The following FAM117A variants were observed in gnomAD, a reference collection of about 807,000 sequenced individuals.
The protein encoded by FAM117A is family with sequence similarity 117 member A.
Under a neutral mutation model 44.1 loss-of-function variants are expected in FAM117A, and 21 were observed. The ratio of observed to expected loss-of-function variants is 0.48; its 90% CI spans 0.34 to 0.69. FAM117A has a LOEUF of 0.69. Among genes scored for constraint, FAM117A ranks in the 30% least tolerant of loss-of-function variants. The pLI is 0.01. For missense variants in FAM117A, 498 were observed against 589.9 expected, an observed-to-expected ratio of 0.84 and a Z score of 1.61; for synonymous variants, 220 against 238.3, an observed-to-expected ratio of 0.92 and a Z score of 0.71.
chr17:49,769,455 T>C (rs2073754714), intron 1 of FAM117A, among the ~76,000 whole-genome samples: 1 of 151,994 alleles, frequency 6.6e-6, no homozygotes. Flanking sequence ...TCCTAACGCT[T>C]TGGGAGGCCG....
In FAM117A at chr17:49,763,941, G is replaced by A. The variant is rs542973117; in HGVS notation, c.147C>T (p.Pro49=). ...GCTGGTGCGGCTGCTGCAGCTGGAAGGGGATCGTGGCCCTGAGCGGCTGCA... is the reference window on the plus strand; with the variant it reads ...GCTGGTGCGGCTGCTGCAGCTGGAAAGGGATCGTGGCCCTGAGCGGCTGCA... The part of the protein sequence containing the change: ...AGLQPLRATI[P]FQLQQPHQRR... Residue 49 remains proline, a synonymous_variant, in exon 1 of 8, where the codon CCC becomes CCT. Coordinates refer to ENST00000240364, the MANE Select transcript of FAM117A (RefSeq NM_030802.4). 483 of 1,237,160 alleles carry A rather than the reference G, an allele frequency of 3.9e-4. 6 individuals carry two copies. In the East Asian group the frequency reaches 0.011, roughly 27 times the overall value. 76.6% of individuals were successfully genotyped at this position (1,237,160 alleles called of 1,614,324 possible).
chr17:49,718,488 G>T (rs1208145992), intron 5 of FAM117A, among the ~76,000 whole-genome samples: 6 of 151,902 alleles, frequency 3.9e-5, no homozygotes, highest in Admixed American at 3.9e-4. Flanking sequence ...CTAACAAAGT[G>T]AAACCCCGTC....
At position 49,780,992 on chromosome 17, in the gene FAM117A, G is replaced by A. The variant is rs146952075; in HGVS notation, c.-621+7505C>T. Among the ~76,000 whole-genome samples the A allele has an allele frequency of 5.4e-3, 817 of 152,126 alleles. 8 individuals carry two copies. Among genetic ancestry groups the A allele is most frequent in the South Asian group, 0.011 (51 of 4,822 alleles). On this transcript the variant is annotated intron_variant, in intron 1 of 7. Transcript: ENST00000513602. ...ATTATAGGTGCCCACCACCATGCCC[G>A]GCTAATTTTTGTGCTTTTAGTAGAG...
chr17:49,767,115 A>G (rs181233519), upstream of FAM117A, among the ~76,000 whole-genome samples: 4 of 152,288 alleles, frequency 2.6e-5, no homozygotes, highest in East Asian at 7.7e-4. Context: ...CTTACTAGGT[A>G]TCATGTCCAA....
intron 1 of FAM117A, among the ~76,000 whole-genome samples, chr17:49,744,893 A>G (rs2143758982): frequency 6.6e-6 from 1 of 151,308 alleles, no homozygotes; most frequent in African/African-American, 2.4e-5. Context: ...ATGTGCCTGT[A>G]GGCCCAACTA....
At chr17:49,742,008 T>A (rs2073636464) in intron 1 of FAM117A, among the ~76,000 whole-genome samples, 1 of 152,152 alleles carries the variant, frequency 6.6e-6, no homozygotes, top group Non-Finnish European at 1.5e-5. Flanking sequence ...AAACACTTCT[T>A]TAAACAACAC....
At chr17:49,719,732 G>A in intron 5 of FAM117A, 28 bp downstream of exon 5, 1 of 1,534,152 alleles carries the variant, frequency 6.5e-7, no homozygotes, top group Non-Finnish European at 8.7e-7. Context: ...CGGACTGTGG[G>A]TGCACTCAGG....
intron 2 of FAM117A, among the ~76,000 whole-genome samples, chr17:49,729,868 T>C (rs533935668): frequency 1.3e-5 from 2 of 152,278 alleles, no homozygotes; most frequent in South Asian, 4.1e-4. Context: ...CCACCCTCCC[T>C]TCCCTCTTCC....
intron 2 of FAM117A, among the ~76,000 whole-genome samples, chr17:49,731,502 T>C (rs913912136): frequency 5.3e-5 from 8 of 152,240 alleles, no homozygotes; most frequent in African/African-American, 4.8e-5. Context: ...AACTGGATGA[T>C]CTGCAGAGAT....
At chr17:49,754,348 A>G (rs2073689388) in intron 1 of FAM117A, among the ~76,000 whole-genome samples, 1 of 150,774 alleles carries the variant, frequency 6.6e-6, no homozygotes, top group African/African-American at 2.4e-5. Context: ...TCTGTCACCC[A>G]GGCTGGAGTG....
chr17:49,766,150 C>G (rs2073745370), upstream of FAM117A, among the ~76,000 whole-genome samples: 1 of 152,174 alleles, frequency 6.6e-6, no homozygotes, highest in Non-Finnish European at 1.5e-5. Flanking sequence ...TTCATTGAGA[C>G]TTCAGGGAGA....
chr17:49,717,524 G>C lies in FAM117A; in HGVS notation c.899C>G (p.Pro300Arg). Residue 300 changes from proline to arginine, a missense_variant, in exon 6 of 8, where the codon CCC (proline) becomes CGC (arginine). Pro to Arg is a moderately radical substitution (Grantham distance 103, BLOSUM62 -2). Coordinates refer to ENST00000240364, the MANE Select transcript of FAM117A (RefSeq NM_030802.4). ...CCTTCGCGGCTTACCTTTGTCGTTG[G>C]GGGTGGATGCCAGCTCCTCGGCGGC... ...RGAAEELAST[P>R]NDKASSPGHP... is the part of the protein sequence containing the mutation. 6.2e-7 allele frequency: 1 copy of C among 1,614,006 alleles called. No homozygotes were observed. The highest frequency in any genetic ancestry group is 8.5e-7 in the Non-Finnish European group (1 of 1,179,968).
rs1192544532 is a variant in FAM117A, at chr17:49,711,208, C to T, written c.*47G>A. On this transcript the variant is annotated 3_prime_UTR_variant, in exon 8 of 8. Transcript: ENST00000240364. ...TCAGGGGACCTGGGGAGGGACCTGC[C>T]ACCAAGGCACTGGTCTCTATGGTAA... 5 of 1,520,780 alleles carry T rather than the reference C, an allele frequency of 3.3e-6. No individual in the cohort carries two copies. Among genetic ancestry groups the T allele is most frequent in the Admixed American group, 4.2e-5 (2 of 47,950 alleles). The allele number at this position is 1,520,780 out of a possible 1,614,324, so 94.2% of individuals were successfully genotyped here.
At chr17:49,777,994 G>A (rs2073779676) in intron 1 of FAM117A, among the ~76,000 whole-genome samples, 1 of 152,212 alleles carries the variant, frequency 6.6e-6, no homozygotes, top group South Asian at 2.1e-4. Context: ...GGTCCTTCCT[G>A]GCGGGAAGAA....
intron 1 of FAM117A, among the ~76,000 whole-genome samples, chr17:49,777,540 A>G (rs1410913284): frequency 6.6e-6 from 1 of 152,142 alleles, no homozygotes; most frequent in African/African-American, 2.4e-5. Flanking sequence ...GAGAGGGAAG[A>G]AATAAGTGAG....
intron 1 of FAM117A, among the ~76,000 whole-genome samples, chr17:49,735,571 T>C (rs975309888): frequency 6.6e-6 from 1 of 152,236 alleles, no homozygotes; most frequent in Non-Finnish European, 1.5e-5. Context: ...TTTAAAAGAC[T>C]ATATAATATT....
At chr17:49,740,104 G>A (rs1352608619) in intron 1 of FAM117A, among the ~76,000 whole-genome samples, 2 of 152,260 alleles carry the variant, frequency 1.3e-5, no homozygotes, top group Non-Finnish European at 1.5e-5. Flanking sequence ...AGGGAGCTAT[G>A]AGTGGAGAGG....
rs1377038222 is a variant in FAM117A, at chr17:49,722,362, C to T, written c.462+137G>A. 12 of 682,528 alleles carry T rather than the reference C, an allele frequency of 1.8e-5. No homozygotes were observed. The South Asian group carries it at 1.8e-4, about 10-fold the overall frequency. 42.3% of individuals were successfully genotyped at this position (682,528 alleles called of 1,614,324 possible). On this transcript the variant is annotated intron_variant, in intron 3 of 7. Coordinates refer to ENST00000240364, the MANE Select transcript of FAM117A (RefSeq NM_030802.4). ...GAGTGGGAGTCAGCTAGGAAGGAGC[C>T]ATCTCATCAGGAAAAGGCCAGGTCA...
intron 1 of FAM117A, among the ~76,000 whole-genome samples, chr17:49,737,682 GCCCCAT>G (rs1330248901): frequency 6.6e-6 from 1 of 152,148 alleles, no homozygotes; most frequent in Non-Finnish European, 1.5e-5. Flanking sequence ...TTCAAGTTTT[GCCCCAT>G]CCCCACAAAG....
Sources: gnomAD v4.1 joint callset for allele counts (sites outside exome capture counted in the v4.1 genomes callset) on GRCh38, gnomAD v4.1.1 for gene constraint, MANE v1.5 for transcripts, NCBI Gene and HGNC (gene_info 2026-07-23, HGNC 2026-07-21) for gene names.